SHANK1: variants seen among roughly 807,000 people sequenced by gnomAD.
The protein encoded by SHANK1 is SH3 and multiple ankyrin repeat domains 1.
SHANK1 carries 35 observed loss-of-function variants against 165.6 expected under a neutral mutation model. The observed-to-expected ratio is 0.21, with a 90% CI of 0.16 to 0.28. The LOEUF (loss-of-function observed/expected upper bound fraction) is 0.28, where lower values mean the gene tolerates loss of function less well. SHANK1 is among the 10% of genes least tolerant of loss of function. SHANK1 has a pLI of 1.00. For missense variants in SHANK1, 2,681 were observed against 3,036.4 expected, an observed-to-expected ratio of 0.88 and a Z score of 2.75; for synonymous variants, 1,428 against 1,384.8, an observed-to-expected ratio of 1.03 and a Z score of -0.69.
In SHANK1 at chr19:50,664,442, C is replaced by T. The variant is rs150968974; in HGVS notation, c.5768+1750G>A. ...ACGTAGAAGTTGCTGGGCTCTTGTT[C>T]GAGGCCCCCTCTTCCCCCATCCCAT... is the stretch of plus-strand genomic sequence containing the variant. On this transcript the variant is annotated intron_variant, in intron 23 of 23. Transcript: ENST00000293441. Among the ~76,000 whole-genome samples, 182 of 152,282 alleles carry T rather than the reference C, an allele frequency of 1.2e-3. 1 individual carries two copies. Among genetic ancestry groups the T allele is most frequent in the African/African-American group, 3.9e-3 (163 of 41,554 alleles).
rs1227070469 is a variant in SHANK1 at position 50,669,228 on chromosome 19, C to G, written c.2732G>C (p.Ser911Thr). ...GTCCTCCGAACCAGGCACAGACAGG[C>G]TGCGGCTGAATTTCATGGCTGGGGG... is the stretch of plus-strand genomic sequence containing the variant. Reference protein sequence around the residue: ...LAPPAMKFSRSLSVPGSEDIP... With the variant: ...LAPPAMKFSRTLSVPGSEDIP... The change falls in exon 23 of 24, where the codon AGC (serine) becomes ACC (threonine). Residue 911 changes from serine (S) to threonine (T), a missense_variant. By Grantham distance (58) the Ser-to-Thr change is moderately conservative. This residue lies in a region of SHANK1 where 206 missense variants were observed against 216.0 expected (regional missense o/e 0.95). Transcript: ENST00000293441. The G allele has an allele frequency of 1.2e-6, 2 of 1,611,872 alleles. No homozygotes were observed. Among genetic ancestry groups the G allele is most frequent in the African/African-American group, 1.3e-5 (1 of 74,718 alleles).
intron 15 of SHANK1, 145 bp downstream of exon 15, chr19:50,696,951 A>G (rs751483273): frequency 1.7e-5 from 12 of 722,746 alleles, no homozygotes; most frequent in Non-Finnish European, 2.5e-5. Context: ...ACATGCACAC[A>G]GATGCGTGTC....
At chr19:50,681,395 G>C (rs1161370506) in intron 21 of SHANK1, among the ~76,000 whole-genome samples, 1 of 152,154 alleles carries the variant, frequency 6.6e-6, no homozygotes, top group Non-Finnish European at 1.5e-5. Flanking sequence ...GAACTCAGGT[G>C]AGTGCTTGTG....
Position 50,716,780 on chromosome 19 carries a change from G to A in SHANK1, c.140C>T (p.Ala47Val). The A allele has an allele frequency of 1.2e-6, 2 of 1,605,534 alleles. No individual in the cohort carries two copies. The highest frequency in any genetic ancestry group is 8.5e-7 in the Non-Finnish European group (1 of 1,176,406). ...PRGTRGQGSG[A>V]PGSLASVRGL... ...TCTAACAGAGGCCAGGCTACCAGGT[G>A]CCCCACTGCCCTGGCCCCGGGTCCC... The change falls in exon 2 of 24, where the codon GCA becomes GTA. Residue 47 changes from alanine (A) to valine (V), a missense_variant. By Grantham distance (64) the Ala-to-Val change is moderately conservative. Around this residue, in one of 10 missense-constraint regions of SHANK1, gnomAD observed 118 missense variants for 106.9 expected, o/e 1.10. Coordinates refer to ENST00000293441, the MANE Select transcript of SHANK1 (RefSeq NM_016148.5). This position sits in a 1 kb window ranked among gnomAD's most constrained non-coding sequence, Gnocchi z 8.4.
chr19:50,684,566 G>A lies in SHANK1; in HGVS notation c.2577+1671C>T, dbSNP rs373783474. 4.4e-4 allele frequency among the ~76,000 whole-genome samples: 67 copies of A among 152,268 alleles called. 1 individual carries two copies. The highest frequency in any genetic ancestry group is 3.5e-3 in the Admixed American group (53 of 15,296). On this transcript the variant is annotated intron_variant, in intron 21 of 23. Coordinates refer to ENST00000293441, the MANE Select transcript of SHANK1 (RefSeq NM_016148.5). ...TTATAAAAGTACGAGCCCCTCCAGA[G>A]CATGAGGGATTGTGGATAGACTTCA...
Position 50,716,137 on chromosome 19 carries a change from T to A in SHANK1, c.459+138A>T. 7 of 799,228 alleles carry A rather than the reference T, an allele frequency of 8.8e-6. No homozygotes were observed. The highest frequency in any genetic ancestry group is 1.5e-5 in the Non-Finnish European group (7 of 474,044). The allele number at this position is 799,228 out of a possible 1,614,324, so 49.5% of individuals were successfully genotyped here. A position where few individuals can be genotyped will look rare whatever the true frequency, so the allele number is the denominator to read the frequency against. ...TGAACTCAGGACTCTCTGACTTCCC[T>A]GTGATGCTTAGAAGGTCTGGACTCG... On this transcript the variant is annotated intron_variant, in intron 3 of 23. Transcript: ENST00000293441. This position sits in a 1 kb window ranked among gnomAD's most constrained non-coding sequence, Gnocchi z 8.4.
Position 50,716,721 on chromosome 19 carries a change from C to G in SHANK1, c.199G>C (p.Asp67His). ...AAGACCATCATGCTGAAGTGGGCGT[C>G]GTCTGGGACGGACATTGAGCGGCCC... ...LQGRSMSVPD[D>H]AHFSMMVFRI... The change falls in exon 2 of 24, where the codon GAC becomes CAC. Residue 67 changes from aspartate (D) to histidine (H), a missense_variant. Physicochemically the swap from Asp to His is moderately conservative, Grantham distance 81. This residue lies in a region of SHANK1 where 118 missense variants were observed against 106.9 expected (regional missense o/e 1.10). Coordinates refer to ENST00000293441, the MANE Select transcript of SHANK1 (RefSeq NM_016148.5). This position sits in a 1 kb window ranked among gnomAD's most constrained non-coding sequence, Gnocchi z 8.4. 6 of 1,604,660 alleles carry G rather than the reference C, an allele frequency of 3.7e-6. No individual in the cohort carries two copies. Among genetic ancestry groups the G allele is most frequent in the Non-Finnish European group, 5.1e-6 (6 of 1,175,558 alleles).
chr19:50,680,842 G>A (rs569925750), intron 21 of SHANK1, among the ~76,000 whole-genome samples: 5 of 152,268 alleles, frequency 3.3e-5, no homozygotes, highest in Admixed American at 6.5e-5. Context: ...TTTTAGTAGC[G>A]ACGGGGTTTC....
chr19:50,719,481 C>G lies in SHANK1; in HGVS notation c.-119G>C. On this transcript the variant is annotated 5_prime_UTR_variant, in exon 1 of 24. Transcript: ENST00000293441. The stretch of plus-strand genomic sequence containing the variant: ...CCCCTCCCCCCACCCCCCACCCCCC[C>G]GGAGACGGGGACCCTCAGGCCATGC... 7.0e-4 allele frequency: 1 copy of G among 1,420 alleles called. No individual in the cohort carries two copies. The highest frequency in any genetic ancestry group is 0.015 in the East Asian group (1 of 68). The allele number at this position is 1,420 out of a possible 1,614,324, so 0.1% of individuals were successfully genotyped here. A position where few individuals can be genotyped will look rare whatever the true frequency, so the allele number is the denominator to read the frequency against.
chr19:50,682,207 C>A (rs574846966), intron 21 of SHANK1, among the ~76,000 whole-genome samples: 21 of 152,220 alleles, frequency 1.4e-4, no homozygotes, highest in Admixed American at 8.5e-4. Context: ...AGGTGCACAC[C>A]ACCACGCCCA....
At chr19:50,709,061 T>A (rs1422510170) in intron 8 of SHANK1, among the ~76,000 whole-genome samples, 4 of 152,322 alleles carry the variant, frequency 2.6e-5, no homozygotes, top group Non-Finnish European at 5.9e-5. Context: ...TTCGTATGTG[T>A]TATGCATCGG....
Position 50,697,560 on chromosome 19 carries a change from G to A in SHANK1, c.1937+29C>T, listed in dbSNP as rs1393050480. The A allele has an allele frequency of 6.4e-7, 1 of 1,554,242 alleles. No individual in the cohort carries two copies. The highest frequency in any genetic ancestry group is 1.1e-5 in the South Asian group (1 of 89,798). ...TTGTGAAGGGAACTTGGGGTGAGGGGGGTTGCCCGAGGGTGTAAGGACATT... is the reference window on the plus strand; with the variant it reads ...TTGTGAAGGGAACTTGGGGTGAGGGAGGTTGCCCGAGGGTGTAAGGACATT... On this transcript the variant is annotated intron_variant, in intron 14 of 23. Transcript: ENST00000293441. This position sits in a 1 kb window ranked among gnomAD's most constrained non-coding sequence, Gnocchi z 4.7.
rs1458661542 is a variant in SHANK1, at chr19:50,687,649, G to C, written c.2322C>G (p.Ala774=). The change falls in exon 19 of 24, where the codon GCC becomes GCG. Residue 774 remains alanine, a synonymous_variant. Coordinates refer to ENST00000293441, the MANE Select transcript of SHANK1 (RefSeq NM_016148.5). ...EAVHKKAPQQ[A]KRLPPPTISL... is the part of the protein sequence containing the mutation. ...AGATGGTTGGGGGCGGCAGCCGCTT[G>C]GCCTGCTGGGGTGCTGAAAAGGTGA... The C allele has an allele frequency of 7.3e-6, 11 of 1,498,976 alleles. No individual in the cohort carries two copies. Among genetic ancestry groups the C allele is most frequent in the Non-Finnish European group, 9.8e-6 (11 of 1,125,014 alleles). 92.9% of individuals were successfully genotyped at this position (1,498,976 alleles called of 1,614,324 possible). A position where few individuals can be genotyped will look rare whatever the true frequency, so the allele number is the denominator to read the frequency against.
chr19:50,660,451 A>C lies in SHANK1; in HGVS notation c.*1514T>G, dbSNP rs1486612476. Among the ~76,000 whole-genome samples, 1 of 152,096 alleles carries C rather than the reference A, an allele frequency of 6.6e-6. No homozygotes were observed. The highest frequency in any genetic ancestry group is 1.5e-5 in the Non-Finnish European group (1 of 68,032). ...AGTGTGCATAGGGTCTTCTCTCACCAGGAAGAGAAAGAGCTTAAGGAGGTA... is the reference window on the plus strand; with the variant it reads ...AGTGTGCATAGGGTCTTCTCTCACCCGGAAGAGAAAGAGCTTAAGGAGGTA... On this transcript the variant is annotated 3_prime_UTR_variant, in exon 24 of 24. Transcript: ENST00000293441.
At chr19:50,693,610 C>T (rs564497319) in intron 15 of SHANK1, among the ~76,000 whole-genome samples, 19 of 145,400 alleles carry the variant, frequency 1.3e-4, no homozygotes, top group African/African-American at 4.9e-4. Flanking sequence ...ACCCAGGGTC[C>T]GCCAGCCCAG....
At position 50,717,090 on chromosome 19, in the gene SHANK1, G is replaced by T; in HGVS notation, c.-43-128C>A. 1.4e-6 allele frequency: 1 copy of T among 737,084 alleles called. No individual in the cohort carries two copies. Among genetic ancestry groups the T allele is most frequent in the Non-Finnish European group, 1.9e-6 (1 of 513,204 alleles). The allele number at this position is 737,084 out of a possible 1,614,324, so 45.7% of individuals were successfully genotyped here. On this transcript the variant is annotated intron_variant, in intron 1 of 23. Transcript: ENST00000293441. This position sits in a 1 kb window ranked among gnomAD's most constrained non-coding sequence, Gnocchi z 5.5. ...GCCCAAGATAGGCAGGAAGGAGGCT[G>T]GACACACCCTCGGCCTGCACGGCCT...
chr19:50,679,238 G>C (rs1986093251), intron 21 of SHANK1, among the ~76,000 whole-genome samples: 1 of 151,182 alleles, frequency 6.6e-6, no homozygotes, highest in Admixed American at 6.6e-5. Flanking sequence ...GGTGACGGGA[G>C]AGGGCTTAGA....
At position 50,668,325 on chromosome 19, in the gene SHANK1, G is replaced by A. The variant is rs1207705469; in HGVS notation, c.3635C>T (p.Ser1212Leu). 2 of 1,273,432 alleles carry A rather than the reference G, an allele frequency of 1.6e-6. No homozygotes were observed. The highest frequency in any genetic ancestry group is 4.2e-5 in the Admixed American group (1 of 23,554). 78.9% of individuals were successfully genotyped at this position (1,273,432 alleles called of 1,614,324 possible). A position where few individuals can be genotyped will look rare whatever the true frequency, so the allele number is the denominator to read the frequency against. The change falls in exon 23 of 24, where the codon TCG becomes TTG. Residue 1212 changes from serine to leucine, a missense_variant. Physicochemically the swap from Ser to Leu is moderately radical, Grantham distance 145. This residue lies in a region of SHANK1 where 1,713 missense variants were observed against 1,630.2 expected (regional missense o/e 1.05). Transcript: ENST00000293441. The part of the protein sequence containing the change: ...PAMSPVPPSP[S>L]PVPTPASPSG... ...GGGCGAGGCGGGGGTGGGCACGGGC[G>A]AGGGGGACGGGGGCACGGGTGACAT...
intron 21 of SHANK1, among the ~76,000 whole-genome samples, chr19:50,683,501 G>A (rs1246790512): frequency 6.6e-6 from 1 of 152,092 alleles, no homozygotes; most frequent in Non-Finnish European, 1.5e-5. Flanking sequence ...CCTGAATGAA[G>A]CTTCTCTAAC....
Sources: allele counts gnomAD v4.1 joint callset (sites outside exome capture counted in the v4.1 genomes callset), GRCh38; gene constraint gnomAD v4.1.1; regional missense constraint gnomAD v4.1.1; non-coding constraint Gnocchi (gnomAD v3.1); transcripts MANE v1.5; gene names NCBI Gene and HGNC (gene_info 2026-07-23, HGNC 2026-07-21).